The following NPAS3 variants were observed in gnomAD, a reference collection of about 807,000 sequenced individuals.
NPAS3 encodes neuronal PAS domain protein 3.
A neutral mutation model predicts 73.1 loss-of-function variants in NPAS3; 14 were observed. The ratio of observed to expected loss-of-function variants is 0.19; its 90% CI spans 0.13 to 0.30. The LOEUF (loss-of-function observed/expected upper bound fraction) is 0.30, where lower values mean the gene tolerates loss of function less well. NPAS3 is among the 10% of genes least tolerant of loss of function. The pLI is 1.00. For missense variants in NPAS3, 1,096 were observed against 1,250.0 expected (o/e 0.88, Z 1.86); for synonymous variants, 620 against 541.5 (o/e 1.14, Z -2.01).
chr14:33,198,392 G>A (rs955441012), intron 2 of NPAS3, among the ~76,000 whole-genome samples: 3 of 152,162 alleles, frequency 2.0e-5, no homozygotes, highest in African/African-American at 7.2e-5. Context: ...TTTTGACAGG[G>A]TGCTGATTGG....
intron 3 of NPAS3, among the ~76,000 whole-genome samples, chr14:33,263,372 A>G (rs995564514): frequency 6.6e-6 from 1 of 152,224 alleles, no homozygotes; most frequent in African/African-American, 2.4e-5. Context: ...TTTATTAAAT[A>G]GGGAATCCTT....
intron 3 of NPAS3, among the ~76,000 whole-genome samples, chr14:33,258,577 A>T (rs1462455830): frequency 2.0e-5 from 3 of 152,190 alleles, no homozygotes; most frequent in Non-Finnish European, 4.4e-5. Flanking sequence ...TTCTTTAGTG[A>T]TTCATTAGAA....
chr14:33,301,090 C>T (rs2042511132), intron 3 of NPAS3, among the ~76,000 whole-genome samples: 1 of 151,732 alleles, frequency 6.6e-6, no homozygotes, highest in Non-Finnish European at 1.5e-5. Context: ...GTCTCCTGCC[C>T]TGGAGCAGCA....
At chr14:33,028,894 A>G (rs766296561) in intron 1 of NPAS3, among the ~76,000 whole-genome samples, 5 of 152,174 alleles carry the variant, frequency 3.3e-5, no homozygotes, top group African/African-American at 4.8e-5. Flanking sequence ...GTAAAAGTGT[A>G]TCATGGTAGT....
chr14:33,600,086 T>C (rs2057354931), intron 5 of NPAS3, among the ~76,000 whole-genome samples: 2 of 152,226 alleles, frequency 1.3e-5, no homozygotes. Context: ...TTCTGGATTT[T>C]GCACAGAACA....
At chr14:33,530,074 T>G (rs946091686) in intron 4 of NPAS3, among the ~76,000 whole-genome samples, 2 of 152,154 alleles carry the variant, frequency 1.3e-5, no homozygotes, top group Non-Finnish European at 2.9e-5. Flanking sequence ...CATACTTTCT[T>G]TCCTTTTTGT....
chr14:33,543,468 A>C (rs774535995), intron 4 of NPAS3, among the ~76,000 whole-genome samples: 2 of 152,092 alleles, frequency 1.3e-5, no homozygotes, highest in Non-Finnish European at 2.9e-5. Context: ...GTTCAAATAC[A>C]ACTGATTTTT....
chr14:33,216,476 G>A (rs963513813), intron 3 of NPAS3, among the ~76,000 whole-genome samples: 4 of 152,230 alleles, frequency 2.6e-5, no homozygotes, highest in East Asian at 3.9e-4. Context: ...ATATGTGTCC[G>A]TGAGAGTGTA....
At chr14:33,678,404 CCTCCTTTCCTCCTGTCATCCTT>C (rs1253881073) in intron 6 of NPAS3, among the ~76,000 whole-genome samples, 3 of 152,144 alleles carry the variant, frequency 2.0e-5, no homozygotes, top group African/African-American at 4.8e-5. Flanking sequence ...TACATCAGAT[CCTCCTTTCCTCCTGTCATCCTT>C]CTCCTTTCCA....
At chr14:33,174,245 A>G (rs1036397676) in intron 2 of NPAS3, among the ~76,000 whole-genome samples, 5 of 152,190 alleles carry the variant, frequency 3.3e-5, no homozygotes, top group African/African-American at 1.2e-4. Flanking sequence ...GCACATCAGC[A>G]TGCCCCTAAC....
At chr14:32,977,433 T>C (rs2037734703) in intron 1 of NPAS3, among the ~76,000 whole-genome samples, 2 of 151,476 alleles carry the variant, frequency 1.3e-5, no homozygotes, top group Admixed American at 1.3e-4. Flanking sequence ...AAAGCACATG[T>C]GCAATTTCTG....
chr14:33,442,551 A>G (rs2049301309), intron 4 of NPAS3, among the ~76,000 whole-genome samples: 1 of 152,232 alleles, frequency 6.6e-6, no homozygotes, highest in Non-Finnish European at 1.5e-5. Context: ...TGGTTCCCCC[A>G]TGCTATCCTC....
At chr14:33,503,031 C>A (rs1159769287) in intron 4 of NPAS3, among the ~76,000 whole-genome samples, 2 of 151,870 alleles carry the variant, frequency 1.3e-5, no homozygotes, top group Admixed American at 1.3e-4. Flanking sequence ...ATAGTTCAAG[C>A]AGTTACTTCA....
intron 2 of NPAS3, among the ~76,000 whole-genome samples, chr14:33,108,014 C>T (rs572978199): frequency 1.3e-5 from 2 of 152,208 alleles, no homozygotes; most frequent in South Asian, 2.1e-4. Flanking sequence ...CTGTCCTCCT[C>T]GCAGAACTAG....
intron 5 of NPAS3, among the ~76,000 whole-genome samples, chr14:33,563,535 CACAG>C (rs1001843393): frequency 5.6e-5 from 6 of 108,070 alleles, no homozygotes; most frequent in Admixed American, 3.6e-4. Context: ...CACACACACA[CACAG>C]AGAGAGAGAG....
intron 4 of NPAS3, among the ~76,000 whole-genome samples, chr14:33,408,385 C>T (rs2047761192): frequency 6.6e-6 from 1 of 152,056 alleles, no homozygotes; most frequent in African/African-American, 2.4e-5. Context: ...TTGTCATAAC[C>T]TCACATTTGT....
At chr14:33,545,355 G>A (rs910646124) in intron 4 of NPAS3, among the ~76,000 whole-genome samples, 5 of 152,130 alleles carry the variant, frequency 3.3e-5, no homozygotes, top group African/African-American at 9.7e-5. Flanking sequence ...AGGGTCCCAA[G>A]TCAAGTAATA....
intron 2 of NPAS3, among the ~76,000 whole-genome samples, chr14:33,184,315 G>A (rs2045908413): frequency 6.6e-6 from 1 of 152,168 alleles, no homozygotes; most frequent in African/African-American, 2.4e-5. Context: ...TAGCAGGAGA[G>A]GCCCTGGAGA....
intron 2 of NPAS3, among the ~76,000 whole-genome samples, chr14:33,056,490 A>G (rs2040893454): frequency 6.6e-6 from 1 of 152,244 alleles, no homozygotes; most frequent in African/African-American, 2.4e-5. Flanking sequence ...CTAAGATTTC[A>G]GAGCTTTGCA....
Sources: gnomAD v4.1 joint callset for allele counts (sites outside exome capture counted in the v4.1 genomes callset) on GRCh38, gnomAD v4.1.1 for gene constraint, MANE v1.5 for transcripts, NCBI Gene and HGNC (gene_info 2026-07-23, HGNC 2026-07-21) for gene names.